FRA10AC1: variants seen among roughly 807,000 people sequenced by gnomAD.
The protein encoded by FRA10AC1 is FRA10A associated CGG repeat 1, also known as protein FRA10AC1.
Under a neutral mutation model 56.5 loss-of-function variants are expected in FRA10AC1, and 43 were observed. The ratio of observed to expected loss-of-function variants is 0.76; its 90% confidence interval spans 0.60 to 0.98. FRA10AC1 has a LOEUF of 0.98. FRA10AC1 is among the 50% of genes least tolerant of loss of function. The pLI, the probability that FRA10AC1 is intolerant of heterozygous loss-of-function variation, is 0.00. For missense variants in FRA10AC1, 346 were observed against 351.8 expected (o/e 0.98, Z 0.13); for synonymous variants, 112 against 110.5 (o/e 1.01, Z -0.09).
Position 93,684,208 on chromosome 10 carries a change from TAAAC to T in FRA10AC1, c.626-114_626-111del, listed in dbSNP as rs985277156. On this transcript the variant is annotated intron_variant, in intron 9 of 13. Coordinates refer to ENST00000359204, the MANE Select transcript of FRA10AC1 (RefSeq NM_145246.5). ...TTTATATTCCATTACTATAAGAGGG[TAAAC>T]AAACAATCCAAAGAAAACAATCTGA... The T allele has an allele frequency of 3.1e-5, 23 of 731,898 alleles. 1 individual carries two copies. The highest frequency in any genetic ancestry group is 7.1e-5 in the African/African-American group (4 of 56,478). 45.3% of individuals were successfully genotyped at this position (731,898 alleles called of 1,614,324 possible). A position where few individuals can be genotyped will look rare whatever the true frequency, so the allele number is the denominator to read the frequency against.
At position 93,670,783 on chromosome 10, in the gene FRA10AC1, CT is replaced by C. The variant is rs2058747993; in HGVS notation, c.891del (p.Asp298MetfsTer30). 1 of 1,606,706 alleles carries C rather than the reference CT, an allele frequency of 6.2e-7. No homozygotes were observed. The highest frequency in any genetic ancestry group is 8.5e-7 in the Non-Finnish European group (1 of 1,173,728). On this transcript the variant is annotated frameshift_variant, in exon 13 of 14. Coordinates refer to ENST00000359204, the MANE Select transcript of FRA10AC1 (RefSeq NM_145246.5). LOFTEE classifies it high-confidence loss of function. ...ATCAGCACTTACTGTGATTTTTCAT[CT>C]GTCTCTGGTAGTGGACCCTTCCAAA... ...SELWKGPLPE[T>X]DEKSQEEEFD... is the part of the protein sequence containing the mutation.
chr10:93,694,978 T>A, intron 4 of FRA10AC1, 41 bp from the exon 5 acceptor site: 1 of 1,044,166 alleles, frequency 9.6e-7, no homozygotes, highest in Non-Finnish European at 1.5e-6. Flanking sequence ...TCTTAGGAGC[T>A]GTTTGGTGTC....
rs778326425 is a variant in FRA10AC1, at chr10:93,670,771, G to A, written c.904C>T (p.Gln302Ter). Reference protein sequence around the residue: ...GPLPETDEKSQEEEFDEYFQD... With the variant: ...GPLPETDEKS Reference sequence around the variant, plus strand: ...TTCTCTATTAATATCAGCACTTACTGTGATTTTTCATCTGTCTCTGGTAGT... The same window carrying A: ...TTCTCTATTAATATCAGCACTTACTATGATTTTTCATCTGTCTCTGGTAGT... The change falls in exon 13 of 14, where the codon CAG becomes TAG. Residue 302 changes from glutamine (Q) to a stop codon, truncating the protein, a stop_gained and splice_region_variant. Coordinates refer to ENST00000359204, the MANE Select transcript of FRA10AC1 (RefSeq NM_145246.5). LOFTEE classifies it high-confidence loss of function. 6.3e-7 allele frequency: 1 copy of A among 1,595,814 alleles called. No individual in the cohort carries two copies. Among genetic ancestry groups the A allele is most frequent in the Non-Finnish European group, 8.6e-7 (1 of 1,163,916 alleles).
chr10:93,676,730 T>G, intron 11 of FRA10AC1, 39 bp from the exon 12 acceptor site: 2 of 1,532,290 alleles, frequency 1.3e-6, no homozygotes, highest in Non-Finnish European at 1.7e-6. Flanking sequence ...ACTATCATCT[T>G]GTAATAGTGC....
At chr10:93,672,795 C>A (rs369088880) in intron 12 of FRA10AC1, 1 of 152,616 alleles carries the variant, frequency 6.6e-6, no homozygotes, top group African/African-American at 2.4e-5. Flanking sequence ...CCTTTAAGGT[C>A]CCTTATAACC....
intron 11 of FRA10AC1, 108 bp downstream of exon 11, chr10:93,681,372 C>G: frequency 1.4e-6 from 1 of 740,646 alleles, no homozygotes; most frequent in Non-Finnish European, 2.2e-6. Context: ...TCTCAACTAC[C>G]ATAAAATGAA....
chr10:93,702,734 C>G (rs1055457367), upstream of FRA10AC1, among the ~76,000 whole-genome samples: 1 of 152,064 alleles, frequency 6.6e-6, no homozygotes, highest in Non-Finnish European at 1.5e-5. Flanking sequence ...CCAGCTTTCG[C>G]CAAGTCGCGG....
chr10:93,688,122 C>T (rs1271499904), intron 7 of FRA10AC1, among the ~76,000 whole-genome samples: 1 of 152,108 alleles, frequency 6.6e-6, no homozygotes, highest in Non-Finnish European at 1.5e-5. Context: ...CCAAGATGTT[C>T]TTCATTAAGT....
chr10:93,670,652 C>A, intron 13 of FRA10AC1, 118 bp downstream of exon 13: 1 of 608,966 alleles, frequency 1.6e-6, no homozygotes, highest in African/African-American at 1.8e-5. Flanking sequence ...CCAGGCTAGG[C>A]AGTCCTTGGC....
intron 11 of FRA10AC1, among the ~76,000 whole-genome samples, chr10:93,680,697 C>T (rs1281405756): frequency 2.0e-5 from 3 of 152,118 alleles, no homozygotes; most frequent in African/African-American, 7.2e-5. Flanking sequence ...AAATTACAGC[C>T]GATTGACTCT....
intron 4 of FRA10AC1, among the ~76,000 whole-genome samples, chr10:93,697,566 A>C (rs1268215637): frequency 6.6e-6 from 1 of 152,198 alleles, no homozygotes; most frequent in African/African-American, 2.4e-5. Context: ...GTCATCAGCC[A>C]GTCTTATTAA....
intron 12 of FRA10AC1, chr10:93,671,679 T>C (rs187867314): frequency 4.8e-6 from 1 of 207,520 alleles, no homozygotes; most frequent in African/African-American, 2.4e-5. Flanking sequence ...AAAATGTCCA[T>C]TCTATATCAA....
intron 5 of FRA10AC1, among the ~76,000 whole-genome samples, chr10:93,693,482 G>GTA (rs777454590): frequency 0.15 from 5,494 of 36,168 alleles, 377 homozygotes; most frequent in Middle Eastern, 0.2. Context: ...TGGTGTGTGT[G>GTA]TATATATATA....
intron 6 of FRA10AC1, 151 bp downstream of exon 6, chr10:93,692,495 A>G (rs1474660225): frequency 1.8e-5 from 10 of 567,714 alleles, no homozygotes; most frequent in Admixed American, 3.9e-5. Flanking sequence ...AAAAATTACC[A>G]AAAGAACCAA....
At chr10:93,699,182 A>C (rs2059286985) in intron 2 of FRA10AC1, among the ~76,000 whole-genome samples, 1 of 152,244 alleles carries the variant, frequency 6.6e-6, no homozygotes, top group Admixed American at 6.5e-5. Context: ...CTTACAAAGT[A>C]GTATTTTTGA....
chr10:93,697,141 T>G (rs1309186141), intron 4 of FRA10AC1, among the ~76,000 whole-genome samples: 1 of 151,686 alleles, frequency 6.6e-6, no homozygotes, highest in Admixed American at 6.6e-5. Context: ...CAAAAAAAAC[T>G]GTGGCTCCAA....
chr10:93,693,640 C>CACACCATATATACCATATATATAT (rs1564820374), intron 5 of FRA10AC1, among the ~76,000 whole-genome samples: 2 of 58,824 alleles, frequency 3.4e-5, no homozygotes, highest in Non-Finnish European at 1.2e-4. Context: ...CATATATATA[C>CACACCATATATACCATATATATAT]ACACCATATA....
Position 93,669,766 on chromosome 10 carries a change from C to T in FRA10AC1, c.*60G>A, listed in dbSNP as rs2133886659. ...AAAACTTATATGGAATTTCAAATTGCATGAAGTTTAAAACTTCATGAAGTT... is the reference window on the plus strand; with the variant it reads ...AAAACTTATATGGAATTTCAAATTGTATGAAGTTTAAAACTTCATGAAGTT... On this transcript the variant is annotated 3_prime_UTR_variant, in exon 14 of 14. Transcript: ENST00000359204. The T allele has an allele frequency of 9.1e-7, 1 of 1,101,562 alleles. No individual in the cohort carries two copies. Among genetic ancestry groups the T allele is most frequent in the Non-Finnish European group, 1.3e-6 (1 of 748,070 alleles). The allele number at this position is 1,101,562 out of a possible 1,614,324, so 68.2% of individuals were successfully genotyped here. A position where few individuals can be genotyped will look rare whatever the true frequency, so the allele number is the denominator to read the frequency against.
intron 12 of FRA10AC1, chr10:93,673,031 C>G (rs1216812156): frequency 5.2e-6 from 1 of 191,948 alleles, no homozygotes; most frequent in African/African-American, 2.4e-5. Context: ...AAAGGGGAAC[C>G]TGGAGGTCAT....
Sources: gnomAD v4.1 joint callset for allele counts (sites outside exome capture counted in the v4.1 genomes callset) on GRCh38, gnomAD v4.1.1 for gene constraint, MANE v1.5 for transcripts, NCBI Gene and HGNC (gene_info 2026-07-23, HGNC 2026-07-21) for gene names.